Variants in PHACTR1 observed in about 807,000 individuals in gnomAD.
PHACTR1 encodes the protein RPEL repeat containing 1.
Under a neutral mutation model 69.2 loss-of-function variants are expected in PHACTR1, and 16 were observed. That is an observed-to-expected ratio of 0.23 (90% CI 0.16 to 0.35). PHACTR1 has a LOEUF of 0.35. Among genes scored for constraint, PHACTR1 ranks in the 10% least tolerant of loss-of-function variants. The pLI is 1.00. For synonymous variants in PHACTR1, 312 were observed against 284.5 expected (o/e 1.10, Z -0.97); for missense variants, 510 against 734.7 (o/e 0.69, Z 3.54).
At position 12,938,813 on chromosome 6, in the gene PHACTR1, CT is replaced by C. The variant is rs375357006; in HGVS notation, c.251-114542del. 3.3e-4 allele frequency among the ~76,000 whole-genome samples: 50 copies of C among 149,530 alleles called. No individual in the cohort carries two copies. In the East Asian group the frequency reaches 4.5e-3, roughly 13 times the overall value. On this transcript the variant is annotated intron_variant, in intron 4 of 14. Coordinates refer to ENST00000332995, the MANE Select transcript of PHACTR1 (RefSeq NM_030948.6). ...TGTAAACGGAACACTAAAGGATGAA[CT>C]TTTTTTTTTGTTTGGCTTCTTTCAC...
chr6:12,822,894 G>A (rs979597177), intron 4 of PHACTR1, among the ~76,000 whole-genome samples: 8 of 152,096 alleles, frequency 5.3e-5, no homozygotes, highest in Admixed American at 5.2e-4. Flanking sequence ...TTAGGGCAGC[G>A]GACAATGCCG....
At chr6:12,808,438 C>T (rs1774604616) in intron 4 of PHACTR1, among the ~76,000 whole-genome samples, 1 of 152,126 alleles carries the variant, frequency 6.6e-6, no homozygotes, top group South Asian at 2.1e-4. Flanking sequence ...AATTTAATAA[C>T]GTTGCCAGAA....
At chr6:12,924,625 T>G (rs1788071974) in intron 4 of PHACTR1, among the ~76,000 whole-genome samples, 1 of 151,510 alleles carries the variant, frequency 6.6e-6, no homozygotes, top group Non-Finnish European at 1.5e-5. Context: ...ATACAAAAAA[T>G]TAGCTGGGCA....
At chr6:12,918,080 GC>G (rs1232422101) in intron 4 of PHACTR1, among the ~76,000 whole-genome samples, 7 of 152,144 alleles carry the variant, frequency 4.6e-5, no homozygotes, top group African/African-American at 1.7e-4. Flanking sequence ...TTCATCCTGT[GC>G]TCTCCCATGC....
At chr6:13,094,510 G>A (rs191377371) in intron 5 of PHACTR1, among the ~76,000 whole-genome samples, 46 of 151,772 alleles carry the variant, frequency 3.0e-4, no homozygotes, top group Non-Finnish European at 5.2e-4. Context: ...TTAGCCAGGC[G>A]GGTCTTGAAC....
chr6:13,163,279 T>G (rs1327489148), intron 6 of PHACTR1, among the ~76,000 whole-genome samples: 1 of 152,168 alleles, frequency 6.6e-6, no homozygotes, highest in East Asian at 1.9e-4. Flanking sequence ...TGTACATACA[T>G]ACATAAATAA....
At chr6:12,921,050 G>T (rs1787597214) in intron 4 of PHACTR1, among the ~76,000 whole-genome samples, 1 of 152,220 alleles carries the variant, frequency 6.6e-6, no homozygotes, top group Non-Finnish European at 1.5e-5. Flanking sequence ...GCTAGGACTA[G>T]GGTGAGACAA....
At chr6:13,213,684 G>C (rs1227105850) in intron 8 of PHACTR1, among the ~76,000 whole-genome samples, 2 of 152,184 alleles carry the variant, frequency 1.3e-5, no homozygotes, top group Non-Finnish European at 2.9e-5. Context: ...TTGTGAACTG[G>C]ACTTCACACA....
chr6:12,816,181 C>T lies in PHACTR1; in HGVS notation c.250+66391C>T, dbSNP rs553066873. Among the ~76,000 whole-genome samples, 10 of 152,300 alleles carry T rather than the reference C, an allele frequency of 6.6e-5. No homozygotes were observed. In the South Asian group the frequency reaches 8.3e-4, roughly 13 times the overall value. ...AGAGATTCATGAACATTGGCATTAA[C>T]GTAAAGAAGCTGTTAATGTATCGCC... On this transcript the variant is annotated intron_variant, in intron 4 of 14. Coordinates refer to ENST00000332995, the MANE Select transcript of PHACTR1 (RefSeq NM_030948.6).
intron 3 of PHACTR1, among the ~76,000 whole-genome samples, chr6:12,727,119 A>G (rs1762892390): frequency 6.6e-6 from 1 of 152,144 alleles, no homozygotes; most frequent in Admixed American, 6.5e-5. Context: ...CTGACAAACT[A>G]CCTACCATGC....
chr6:13,250,828 C>T (rs1774287321), intron 10 of PHACTR1, among the ~76,000 whole-genome samples: 1 of 152,154 alleles, frequency 6.6e-6, no homozygotes, highest in African/African-American at 2.4e-5. Flanking sequence ...GGTCTATCCT[C>T]AAGACAGGTG....
At chr6:12,800,184 A>G (rs548464686) in intron 4 of PHACTR1, among the ~76,000 whole-genome samples, 1 of 152,294 alleles carries the variant, frequency 6.6e-6, no homozygotes, top group East Asian at 1.9e-4. Context: ...CTCAAATCCA[A>G]CCATTTTCTA....
At chr6:13,281,352 G>T (rs139960707) in intron 12 of PHACTR1, 1 of 337,824 alleles carries the variant, frequency 3.0e-6, no homozygotes, top group East Asian at 8.3e-5. Flanking sequence ...TCAGGAGTTC[G>T]AGAGCAGTCT....
At chr6:12,727,811 C>T (rs911891757) in intron 3 of PHACTR1, among the ~76,000 whole-genome samples, 13 of 152,152 alleles carry the variant, frequency 8.5e-5, no homozygotes, top group African/African-American at 2.7e-4. Flanking sequence ...AATCAGCCCA[C>T]GCCAATATCA....
chr6:13,181,314 G>A (rs1247259737), intron 6 of PHACTR1, among the ~76,000 whole-genome samples: 1 of 152,184 alleles, frequency 6.6e-6, no homozygotes, highest in Admixed American at 6.6e-5. Flanking sequence ...AATCACCTTG[G>A]AGTCACTTAA....
At chr6:12,907,744 G>A (rs376862912) in intron 4 of PHACTR1, among the ~76,000 whole-genome samples, 2 of 9,848 alleles carry the variant, frequency 2.0e-4, no homozygotes, top group Non-Finnish European at 3.8e-4. Context: ...CAGAGGCAAA[G>A]GGGTTAAATA....
intron 3 of PHACTR1, among the ~76,000 whole-genome samples, chr6:12,738,691 T>C (rs1314467870): frequency 6.6e-6 from 1 of 152,058 alleles, no homozygotes; most frequent in Non-Finnish European, 1.5e-5. Context: ...GGTGAAACCC[T>C]GTCTCTACCA....
At chr6:13,142,846 G>A (rs374683525) in intron 5 of PHACTR1, among the ~76,000 whole-genome samples, 1 of 148,530 alleles carries the variant, frequency 6.7e-6, no homozygotes, top group Non-Finnish European at 1.5e-5. Context: ...AAAAAAAAAA[G>A]AAAACACGAC....
At chr6:12,836,572 C>G (rs1395233053) in intron 4 of PHACTR1, among the ~76,000 whole-genome samples, 1 of 152,230 alleles carries the variant, frequency 6.6e-6, no homozygotes, top group South Asian at 2.1e-4. Context: ...ATCATTGAAA[C>G]TGTCCCTGTA....
Sources: allele counts gnomAD v4.1 joint callset (sites outside exome capture counted in the v4.1 genomes callset), GRCh38; gene constraint gnomAD v4.1.1; transcripts MANE v1.5; gene names NCBI Gene and HGNC (gene_info 2026-07-23, HGNC 2026-07-21).